Variants in ADCY9 observed in about 807,000 individuals in gnomAD.
ADCY9 encodes the protein adenylate cyclase 9.
Under a neutral mutation model 101.5 loss-of-function variants are expected in ADCY9, and 50 were observed. The ratio of observed to expected loss-of-function variants is 0.49; its 90% CI spans 0.39 to 0.62. ADCY9 has a LOEUF of 0.62. ADCY9 is among the 20% of genes least tolerant of loss of function. The pLI is 0.00. For synonymous variants in ADCY9, 905 were observed against 769.3 expected, an observed-to-expected ratio of 1.18 and a Z score of -2.92; for missense variants, 1,662 against 1,800.4, an observed-to-expected ratio of 0.92 and a Z score of 1.39.
rs1360029703 is a variant in ADCY9 at position 4,114,067 on chromosome 16, G to A, written c.1376C>T (p.Ala459Val). ...AGCPEPRADHAYCCIEMGLGM... is the reference protein window; with the variant it reads ...AGCPEPRADHVYCCIEMGLGM... ...CAGGCCCATCTCGATGCAGCAGTAG[G>A]CATGGTCGGCCCGGGGCTCGGGACA... The change falls in exon 2 of 11, where the codon GCC becomes GTC. Residue 459 changes from alanine to valine, a missense_variant. Coordinates refer to ENST00000294016, the MANE Select transcript of ADCY9 (RefSeq NM_001116.4). The surrounding 1 kb of genome is among the most constrained non-coding windows in gnomAD (Gnocchi z 4.3). The A allele has an allele frequency of 6.2e-7, 1 of 1,613,862 alleles. No homozygotes were observed. Among genetic ancestry groups the A allele is most frequent in the Middle Eastern group, 1.6e-4 (1 of 6,062 alleles).
intron 2 of ADCY9, among the ~76,000 whole-genome samples, chr16:4,096,530 T>C (rs761339908): frequency 1.3e-5 from 2 of 152,196 alleles, no homozygotes; most frequent in Non-Finnish European, 2.9e-5. Flanking sequence ...ACCCAGTTTT[T>C]AGGCAGCTCA....
intron 2 of ADCY9, among the ~76,000 whole-genome samples, chr16:4,019,768 G>A (rs1016664236): frequency 2.6e-5 from 4 of 152,198 alleles, no homozygotes; most frequent in African/African-American, 9.6e-5. Context: ...AAACAAGACA[G>A]CTGAGTACTT....
At chr16:4,039,846 C>T (rs1014420767) in intron 2 of ADCY9, among the ~76,000 whole-genome samples, 4 of 152,058 alleles carry the variant, frequency 2.6e-5, no homozygotes, top group Non-Finnish European at 4.4e-5. Context: ...CAAGACCAGC[C>T]TGGGTAACAT....
chr16:4,025,479 CA>C (rs757416516), intron 2 of ADCY9, among the ~76,000 whole-genome samples: 1 of 151,990 alleles, frequency 6.6e-6, no homozygotes, highest in Non-Finnish European at 1.5e-5. Flanking sequence ...CAAAGACTGT[CA>C]GTGACCACAC....
chr16:3,957,321 G>A (rs1359884014), intron 5 of ADCY9, among the ~76,000 whole-genome samples: 1 of 152,220 alleles, frequency 6.6e-6, no homozygotes, highest in Non-Finnish European at 1.5e-5. Flanking sequence ...TTTTCAGCTC[G>A]TTGGCAGAAA....
chr16:3,971,089 C>A (rs1350443645), intron 10 of ADCY9, among the ~76,000 whole-genome samples: 2 of 152,122 alleles, frequency 1.3e-5, no homozygotes, highest in Non-Finnish European at 1.5e-5. Context: ...CGCTTTCCTG[C>A]TGGAAGTCTG....
chr16:3,956,701 G>A (rs1241731664), intron 5 of ADCY9, among the ~76,000 whole-genome samples: 1 of 150,776 alleles, frequency 6.6e-6, no homozygotes, highest in East Asian at 1.9e-4. Flanking sequence ...CACCATGTTG[G>A]CCAGGCTGGA....
chr16:4,081,006 G>A (rs2056898349), intron 2 of ADCY9, among the ~76,000 whole-genome samples: 1 of 152,166 alleles, frequency 6.6e-6, no homozygotes, highest in African/African-American at 2.4e-5. Context: ...TAAAATTAGA[G>A]AGATGAGAAC....
At chr16:4,051,755 G>A (rs950477398) in intron 2 of ADCY9, among the ~76,000 whole-genome samples, 1 of 152,122 alleles carries the variant, frequency 6.6e-6, no homozygotes, top group African/African-American at 2.4e-5. Flanking sequence ...AGCTTGCAGT[G>A]GAATGCCAAC....
intron 9 of ADCY9, among the ~76,000 whole-genome samples, chr16:3,977,048 C>T (rs147209449): frequency 6.6e-6 from 1 of 152,342 alleles, no homozygotes; most frequent in East Asian, 1.9e-4. Flanking sequence ...TGTCCCGGTT[C>T]ATGAACCCTA....
chr16:3,976,833 T>C (rs1241717620), intron 9 of ADCY9, among the ~76,000 whole-genome samples: 3 of 152,194 alleles, frequency 2.0e-5, no homozygotes, highest in African/African-American at 4.8e-5. Flanking sequence ...AATTTTTGTA[T>C]TTTTCGTAGA....
chr16:4,023,332 CA>C (rs1051437199), intron 2 of ADCY9, among the ~76,000 whole-genome samples: 22 of 152,190 alleles, frequency 1.4e-4, no homozygotes, highest in Non-Finnish European at 2.9e-4. Context: ...AGGAAGAAAG[CA>C]AAAGCTTCCT....
chr16:4,019,695 A>C (rs1401910673), intron 2 of ADCY9, among the ~76,000 whole-genome samples: 1 of 152,182 alleles, frequency 6.6e-6, no homozygotes, highest in Non-Finnish European at 1.5e-5. Context: ...TTGTCAAAGG[A>C]GAGATGGAAG....
chr16:4,033,667 G>T (rs947662222), intron 2 of ADCY9, among the ~76,000 whole-genome samples: 4 of 152,004 alleles, frequency 2.6e-5, no homozygotes, highest in African/African-American at 9.7e-5. Flanking sequence ...CACCCGCCTC[G>T]GCCTCCCAAA....
chr16:4,108,854 T>C (rs900079784), intron 2 of ADCY9, among the ~76,000 whole-genome samples: 3 of 151,828 alleles, frequency 2.0e-5, no homozygotes, highest in African/African-American at 4.8e-5. Context: ...TACAGGTACC[T>C]GCCACCACAC....
At chr16:4,055,158 T>G (rs1342312081) in intron 2 of ADCY9, among the ~76,000 whole-genome samples, 2 of 152,098 alleles carry the variant, frequency 1.3e-5, no homozygotes, top group East Asian at 3.9e-4. Flanking sequence ...AGCAGAGCCA[T>G]TCTTCCACAC....
At chr16:4,085,908 G>T (rs574574294) in intron 2 of ADCY9, among the ~76,000 whole-genome samples, 118 of 152,068 alleles carry the variant, frequency 7.8e-4, no homozygotes, top group Non-Finnish European at 1.5e-3. Context: ...ACCAGTGGGT[G>T]CTGGTGTTCA....
intron 2 of ADCY9, among the ~76,000 whole-genome samples, chr16:4,081,103 G>A (rs374195891): frequency 1.2e-4 from 19 of 152,312 alleles, no homozygotes; most frequent in South Asian, 2.1e-4. Flanking sequence ...GAAGACGAGC[G>A]TGCTCATGTG....
rs1205129312 is a variant in ADCY9, at chr16:3,974,650, T to C, written c.2870+19A>G. The C allele has an allele frequency of 6.2e-7, 1 of 1,605,024 alleles. No homozygotes were observed. The highest frequency in any genetic ancestry group is 1.3e-5 in the African/African-American group (1 of 74,714). The stretch of plus-strand genomic sequence containing the variant: ...TCACTCTCGTTTATTCAGACAGAAG[T>C]GCAATATTAAAAGCTTACCTGAAAT... On this transcript the variant is annotated intron_variant, in intron 10 of 10. Coordinates refer to ENST00000294016, the MANE Select transcript of ADCY9 (RefSeq NM_001116.4).
Sources: allele counts gnomAD v4.1 joint callset (sites outside exome capture counted in the v4.1 genomes callset), GRCh38; gene constraint gnomAD v4.1.1; non-coding constraint Gnocchi (gnomAD v3.1); transcripts MANE v1.5; gene names NCBI Gene and HGNC (gene_info 2026-07-23, HGNC 2026-07-21).